Variants in RPTOR observed in about 807,000 individuals in gnomAD.
RPTOR encodes the protein regulatory-associated protein of mTOR.
In RPTOR, 21 loss-of-function variants were observed where a neutral mutation model predicts 169.9. The observed-to-expected ratio is 0.12, with a 90% CI of 0.09 to 0.18. The LOEUF is 0.18. Among genes scored for constraint, RPTOR ranks in the 10% least tolerant of loss-of-function variants. The pLI, the probability that RPTOR is intolerant of heterozygous loss-of-function variation, is 1.00. For missense variants in RPTOR, 1,133 were observed against 1,855.9 expected (o/e 0.61, Z 7.16); for synonymous variants, 732 against 753.2 (o/e 0.97, Z 0.46).
chr17:80,751,152 C>T (rs956014473), intron 5 of RPTOR, among the ~76,000 whole-genome samples: 4 of 152,142 alleles, frequency 2.6e-5, no homozygotes, highest in African/African-American at 9.7e-5. Flanking sequence ...CACCGTGGTG[C>T]GAGGTGGCTG....
intron 7 of RPTOR, among the ~76,000 whole-genome samples, chr17:80,815,440 CT>C (rs1693259610): frequency 6.6e-6 from 1 of 152,258 alleles, no homozygotes; most frequent in Non-Finnish European, 1.5e-5. Flanking sequence ...TGCGTACCAG[CT>C]GGGACTGTCC....
At chr17:80,589,001 G>A (rs949371121) in intron 1 of RPTOR, among the ~76,000 whole-genome samples, 2 of 152,142 alleles carry the variant, frequency 1.3e-5, no homozygotes, top group Admixed American at 6.5e-5. Context: ...GTCCCATAAT[G>A]TACCCTAAAA....
chr17:80,794,500 T>C (rs950736111), intron 7 of RPTOR, among the ~76,000 whole-genome samples: 5 of 152,336 alleles, frequency 3.3e-5, no homozygotes, highest in African/African-American at 1.2e-4. Context: ...CTGGAAGAAC[T>C]GTCGGTTTCT....
In RPTOR at chr17:80,545,473, C is replaced by T; in HGVS notation, c.-157C>T. ...CAGAGTTAGAGATAAGGATCTCAGA[C>T]TTTTGCCTGAGTAAGGGTCTCCGCA... On this transcript the variant is annotated 5_prime_UTR_variant, in exon 1 of 34. Transcript: ENST00000306801. The T allele has an allele frequency of 1.8e-6, 1 of 565,454 alleles. No individual in the cohort carries two copies. Among genetic ancestry groups the T allele is most frequent in the South Asian group, 2.4e-5 (1 of 41,424 alleles). 35.0% of individuals were successfully genotyped at this position (565,454 alleles called of 1,614,324 possible).
chr17:80,690,342 T>TACAC (rs56006985), intron 3 of RPTOR, among the ~76,000 whole-genome samples: 61 of 145,350 alleles, frequency 4.2e-4, no homozygotes, highest in East Asian at 1.6e-3. Flanking sequence ...CACACACACA[T>TACAC]ACACACACAC....
At chr17:80,889,957 CG>C (rs1483289443) in intron 17 of RPTOR, among the ~76,000 whole-genome samples, 38 of 89,642 alleles carry the variant, frequency 4.2e-4, no homozygotes, top group Admixed American at 1.0e-3. Context: ...GTGCGGCCTC[CG>C]AGGGAGGCCC....
intron 9 of RPTOR, among the ~76,000 whole-genome samples, chr17:80,832,165 G>A (rs2067512548): frequency 1.3e-5 from 2 of 152,206 alleles, no homozygotes; most frequent in Non-Finnish European, 2.9e-5. Flanking sequence ...AGGTAGTTAG[G>A]TGTACTAGTT....
At chr17:80,697,563 G>GGTGCA (rs2066047549) in intron 3 of RPTOR, among the ~76,000 whole-genome samples, 1 of 152,166 alleles carries the variant, frequency 6.6e-6, no homozygotes, top group African/African-American at 2.4e-5. Context: ...CGGCGTGATA[G>GGTGCA]GTGCAGGTGG....
intron 1 of RPTOR, among the ~76,000 whole-genome samples, chr17:80,587,533 C>T (rs1011360455): frequency 6.6e-6 from 1 of 152,150 alleles, no homozygotes; most frequent in Non-Finnish European, 1.5e-5. Context: ...GCGTAGTAAT[C>T]GGGTTGGGTT....
In RPTOR at chr17:80,633,553, G is replaced by A. The variant is rs1027228633; in HGVS notation, c.265+7760G>A. On this transcript the variant is annotated intron_variant, in intron 2 of 33. Transcript: ENST00000306801. The surrounding 1 kb of genome is among the most constrained non-coding windows in gnomAD (Gnocchi z 4.1). ...TTCGCTGGCAGGAGCATCACGCAGA[G>A]CTGCCTGCTTCACGCGGGCTGCACC... Among the ~76,000 whole-genome samples, 1 of 152,238 alleles carries A rather than the reference G, an allele frequency of 6.6e-6. No individual in the cohort carries two copies. The highest frequency in any genetic ancestry group is 1.5e-5 in the Non-Finnish European group (1 of 68,052).
At chr17:80,769,068 C>T (rs2066816245) in intron 6 of RPTOR, among the ~76,000 whole-genome samples, 1 of 152,176 alleles carries the variant, frequency 6.6e-6, no homozygotes, top group South Asian at 2.1e-4. Context: ...ACGCCAGAAC[C>T]GTGCTGTCAC....
intron 1 of RPTOR, among the ~76,000 whole-genome samples, chr17:80,566,289 G>A (rs937094775): frequency 1.3e-5 from 2 of 152,206 alleles, no homozygotes; most frequent in Non-Finnish European, 2.9e-5. Context: ...GTCAGCTTCT[G>A]TGCAGCAAAT....
At chr17:80,600,972 G>A (rs1049706170) in intron 1 of RPTOR, among the ~76,000 whole-genome samples, 3 of 152,002 alleles carry the variant, frequency 2.0e-5, no homozygotes, top group African/African-American at 7.2e-5. Context: ...CTCCCATTGA[G>A]AGGCGAAGTT....
chr17:80,597,451 A>G (rs1354618155), intron 1 of RPTOR, among the ~76,000 whole-genome samples: 1 of 152,188 alleles, frequency 6.6e-6, no homozygotes, highest in Non-Finnish European at 1.5e-5. Flanking sequence ...TCTCAACCTT[A>G]TATTGTAAAG....
At position 80,883,822 on chromosome 17, in the gene RPTOR, G is replaced by A. The variant is rs759066319; in HGVS notation, c.1692G>A (p.Glu564=). ...LQGNLIAICL[E]QLNDPHPLLR... ...GAAACCTCATTGCCATCTGCCTGGAGCAGCTCAACGACCCGCACCCCTTGC... is the reference window on the plus strand; with the variant it reads ...GAAACCTCATTGCCATCTGCCTGGAACAGCTCAACGACCCGCACCCCTTGC... Residue 564 remains glutamate (E), a synonymous_variant, in exon 16 of 34, where the codon GAG becomes GAA. Coordinates refer to ENST00000306801, the MANE Select transcript of RPTOR (RefSeq NM_020761.3). 23 of 1,613,638 alleles carry A rather than the reference G, an allele frequency of 1.4e-5. No homozygotes were observed. Among genetic ancestry groups the A allele is most frequent in the South Asian group, 3.3e-5 (3 of 91,090 alleles).
chr17:80,736,965 C>G (rs117538655), intron 5 of RPTOR, among the ~76,000 whole-genome samples: 1,582 of 152,278 alleles, frequency 0.01, 14 homozygotes, highest in Non-Finnish European at 0.017. Flanking sequence ...AAGTGCTTTC[C>G]CCTGTAATCT....
intron 3 of RPTOR, among the ~76,000 whole-genome samples, chr17:80,671,624 A>G (rs938491247): frequency 6.6e-6 from 1 of 152,182 alleles, no homozygotes; most frequent in African/African-American, 2.4e-5. Context: ...CCTTCAAATA[A>G]TGGTAAGAGA....
intron 1 of RPTOR, among the ~76,000 whole-genome samples, chr17:80,575,242 G>T (rs549688554): frequency 2.6e-5 from 4 of 151,820 alleles, no homozygotes; most frequent in Non-Finnish European, 4.4e-5. Flanking sequence ...GGCTCCTTCC[G>T]CCTTGGCCTC....
chr17:80,935,514 A>G (rs543014857), intron 24 of RPTOR, among the ~76,000 whole-genome samples: 101 of 152,358 alleles, frequency 6.6e-4, no homozygotes, highest in African/African-American at 2.3e-3. Flanking sequence ...GCGTAGATCA[A>G]TGGAACAGAA....
Sources: allele counts gnomAD v4.1 joint callset (sites outside exome capture counted in the v4.1 genomes callset), GRCh38; gene constraint gnomAD v4.1.1; non-coding constraint Gnocchi (gnomAD v3.1); transcripts MANE v1.5; gene names NCBI Gene and HGNC (gene_info 2026-07-23, HGNC 2026-07-21).